Variants in CADPS observed in about 807,000 individuals in gnomAD.
CADPS encodes the protein calcium-dependent secretion activator 1.
In CADPS, 57 loss-of-function variants were observed where a neutral mutation model predicts 167.3. The ratio of observed to expected loss-of-function variants is 0.34; its 90% CI spans 0.28 to 0.42. The LOEUF is 0.42. Ranked by LOEUF, CADPS falls within the 20% of genes least tolerant of loss-of-function variation. The probability of loss-of-function intolerance (pLI) is 1.00; values close to 1 mark genes in which losing one functional copy is unlikely to be tolerated. For synonymous variants in CADPS, 676 were observed against 635.3 expected (o/e 1.06, Z -0.96); for missense variants, 1,414 against 1,738.1 (o/e 0.81, Z 3.32).
intron 3 of CADPS, among the ~76,000 whole-genome samples, chr3:62,712,230 T>C (rs2083535919): frequency 6.6e-6 from 1 of 152,208 alleles, no homozygotes; most frequent in African/African-American, 2.4e-5. Flanking sequence ...AGTGAAATTC[T>C]TGGGTCAAAT....
chr3:62,594,294 T>A (rs2086786999), intron 6 of CADPS, among the ~76,000 whole-genome samples: 1 of 150,334 alleles, frequency 6.7e-6, no homozygotes. Context: ...CCCAAGTAGC[T>A]GGGACTACAG....
At chr3:62,622,316 G>T (rs1379471309) in intron 6 of CADPS, among the ~76,000 whole-genome samples, 1 of 152,056 alleles carries the variant, frequency 6.6e-6, no homozygotes. Flanking sequence ...CGATGTCCGG[G>T]GCTTGGTGCT....
chr3:62,726,337 C>A (rs745999883), intron 3 of CADPS, among the ~76,000 whole-genome samples: 4 of 151,886 alleles, frequency 2.6e-5, no homozygotes, highest in Non-Finnish European at 5.9e-5. Context: ...CATTTCTCCT[C>A]ATAGCATAAG....
chr3:62,649,137 T>C (rs549405427), intron 5 of CADPS, among the ~76,000 whole-genome samples: 3 of 152,320 alleles, frequency 2.0e-5, no homozygotes, highest in Admixed American at 6.5e-5. Context: ...CTTCTCTTGG[T>C]CTCCCCAAAT....
chr3:62,442,029 T>C (rs1301766026), intron 27 of CADPS, among the ~76,000 whole-genome samples: 2 of 151,998 alleles, frequency 1.3e-5, no homozygotes, highest in African/African-American at 4.8e-5. Context: ...GGACTCTGTA[T>C]TAACAAAACA....
rs1348448843 is a variant in CADPS at position 62,514,105 on chromosome 3, T to C, written c.2582-1337A>G. On this transcript the variant is annotated intron_variant, in intron 16 of 29. Transcript: ENST00000383710. The surrounding 1 kb of genome is among the most constrained non-coding windows in gnomAD (Gnocchi z 4.2). ...TCCAGCAATATTACTACAACTTCTT[T>C]CCAGAATTCTCAGATAACAAAGCTG... 3.3e-5 allele frequency among the ~76,000 whole-genome samples: 5 copies of C among 152,096 alleles called. No homozygotes were observed. Among genetic ancestry groups the C allele is most frequent in the African/African-American group, 7.2e-5 (3 of 41,448 alleles).
intron 28 of CADPS, among the ~76,000 whole-genome samples, chr3:62,405,715 C>T (rs543443223): frequency 6.6e-6 from 1 of 152,268 alleles, no homozygotes; most frequent in South Asian, 2.1e-4. Flanking sequence ...CTGGATCTCA[C>T]ATCTAGCAAA....
intron 1 of CADPS, among the ~76,000 whole-genome samples, chr3:62,853,167 C>G (rs755709138): frequency 2.6e-5 from 4 of 152,266 alleles, no homozygotes; most frequent in Non-Finnish European, 5.9e-5. Flanking sequence ...ATCAATACCA[C>G]TTTTATCATG....
chr3:62,616,168 T>A (rs966177557), intron 6 of CADPS, among the ~76,000 whole-genome samples: 1 of 152,332 alleles, frequency 6.6e-6, no homozygotes. Context: ...ATTAATTTCA[T>A]CACTTTAAGC....
intron 3 of CADPS, among the ~76,000 whole-genome samples, chr3:62,672,372 G>A (rs963014037): frequency 6.6e-6 from 1 of 152,206 alleles, no homozygotes; most frequent in South Asian, 2.1e-4. Flanking sequence ...TTTTTGGAAC[G>A]TGCATTTGCT....
rs866645756 is a variant in CADPS at position 62,550,939 on chromosome 3, C to T, written c.1754-824G>A. The stretch of plus-strand genomic sequence containing the variant: ...GACTTTCCTCCTACCATCCTGGCTG[C>T]TGCTCCTTAGTCTTGTCTGGTGGCT... On this transcript the variant is annotated intron_variant, in intron 10 of 29. Coordinates refer to ENST00000383710, the MANE Select transcript of CADPS (RefSeq NM_003716.4). 3 of 456,790 alleles carry T rather than the reference C, an allele frequency of 6.6e-6. No individual in the cohort carries two copies. The Middle Eastern group carries it at 9.8e-4, about 149-fold the overall frequency. 28.3% of individuals were successfully genotyped at this position (456,790 alleles called of 1,614,324 possible). A position where few individuals can be genotyped will look rare whatever the true frequency, so the allele number is the denominator to read the frequency against.
chr3:62,444,861 G>T (rs1224410130), intron 27 of CADPS, among the ~76,000 whole-genome samples: 1 of 152,026 alleles, frequency 6.6e-6, no homozygotes, highest in Non-Finnish European at 1.5e-5. Flanking sequence ...GAACAAGGGG[G>T]GTACTTAACC....
At chr3:62,508,889 GT>G (rs1334827246) in intron 17 of CADPS, among the ~76,000 whole-genome samples, 1 of 151,818 alleles carries the variant, frequency 6.6e-6, no homozygotes, top group Non-Finnish European at 1.5e-5. Flanking sequence ...ATCTTTCTTG[GT>G]GACAGTGTTT....
intron 1 of CADPS, among the ~76,000 whole-genome samples, chr3:62,832,515 T>C (rs978149298): frequency 2.0e-5 from 3 of 152,180 alleles, no homozygotes; most frequent in Non-Finnish European, 4.4e-5. Flanking sequence ...AGGAAGGTAG[T>C]TTCATTCCAC....
intron 1 of CADPS, among the ~76,000 whole-genome samples, chr3:62,767,178 G>T (rs1263271666): frequency 6.6e-6 from 1 of 152,092 alleles, no homozygotes; most frequent in Non-Finnish European, 1.5e-5. Flanking sequence ...TTTGTAAAAA[G>T]TTATGCTTTA....
intron 6 of CADPS, among the ~76,000 whole-genome samples, chr3:62,603,767 G>T (rs552780891): frequency 3.6e-4 from 54 of 151,902 alleles, no homozygotes; most frequent in South Asian, 8.3e-4. Flanking sequence ...ATACATTCTT[G>T]GTCTGATAAT....
Position 62,848,203 on chromosome 3 carries a change from C to T in CADPS, c.441+26386G>A, listed in dbSNP as rs902724174. 2.9e-4 allele frequency among the ~76,000 whole-genome samples: 42 copies of T among 142,988 alleles called. No homozygotes were observed. The South Asian group carries it at 7.7e-3, about 26-fold the overall frequency. The allele number at this position is 142,988 out of a possible 152,430, so 93.8% of individuals were successfully genotyped here. A position where few individuals can be genotyped will look rare whatever the true frequency, so the allele number is the denominator to read the frequency against. ...AGCCCTTTGTCAGATGAGTAAGTTG[C>T]GAAAATTTTCTCCCATGTTGTAGGT... On this transcript the variant is annotated intron_variant, in intron 1 of 29. Coordinates refer to ENST00000383710, the MANE Select transcript of CADPS (RefSeq NM_003716.4).
At position 62,781,528 on chromosome 3, in the gene CADPS, C is replaced by T. The variant is rs2091610846; in HGVS notation, c.442-15544G>A. ...AAGGGACAATGACACACGTGACTCCCAGCATGGGCAGCCAAGACTCCAGAA... is the reference window on the plus strand; with the variant it reads ...AAGGGACAATGACACACGTGACTCCTAGCATGGGCAGCCAAGACTCCAGAA... On this transcript the variant is annotated intron_variant, in intron 1 of 29. Transcript: ENST00000383710. Among the ~76,000 whole-genome samples the T allele has an allele frequency of 2.6e-5, 4 of 152,146 alleles. No homozygotes were observed. In the South Asian group the frequency reaches 8.3e-4, roughly 32 times the overall value.
intron 6 of CADPS, among the ~76,000 whole-genome samples, chr3:62,603,605 A>AT (rs1027553102): frequency 1.3e-5 from 2 of 151,848 alleles, no homozygotes; most frequent in African/African-American, 2.4e-5. Context: ...TAATGGGCTG[A>AT]TTTTTTTTCT....
Sources: gnomAD v4.1 joint callset for allele counts (sites outside exome capture counted in the v4.1 genomes callset) on GRCh38, gnomAD v4.1.1 for gene constraint, Gnocchi (gnomAD v3.1) non-coding constraint, MANE v1.5 for transcripts, NCBI Gene and HGNC (gene_info 2026-07-23, HGNC 2026-07-21) for gene names.